MYO3B: variants seen among roughly 807,000 people sequenced by gnomAD.
MYO3B encodes myosin-IIIb.
In MYO3B, 156 loss-of-function variants were observed where a neutral mutation model predicts 174.6. That is an observed-to-expected ratio of 0.89 (90% CI 0.78 to 1.02). The LOEUF is 1.02. Among genes scored for constraint, MYO3B ranks in the 50% least tolerant of loss-of-function variants. MYO3B has a pLI of 0.00. For synonymous variants in MYO3B, 563 were observed against 569.1 expected (o/e 0.99, Z 0.15); for missense variants, 1,632 against 1,639.4 (o/e 1.00, Z 0.08).
At chr2:170,468,171 A>G (rs1321369519) in intron 25 of MYO3B, among the ~76,000 whole-genome samples, 1 of 152,208 alleles carries the variant, frequency 6.6e-6, no homozygotes, top group Non-Finnish European at 1.5e-5. Context: ...CTTTTGAACC[A>G]CTTAACAAAA....
At chr2:170,332,967 A>G (rs1461723994) in intron 7 of MYO3B, among the ~76,000 whole-genome samples, 1 of 152,172 alleles carries the variant, frequency 6.6e-6, no homozygotes, top group African/African-American at 2.4e-5. Context: ...TGTTGAGCCT[A>G]CTAGTGTCAT....
chr2:170,404,349 C>A lies in MYO3B; in HGVS notation c.2380C>A (p.Leu794Ile). The A allele has an allele frequency of 1.2e-6, 2 of 1,613,878 alleles. No homozygotes were observed. The highest frequency in any genetic ancestry group is 2.2e-5 in the South Asian group (2 of 91,000). Residue 794 changes from leucine to isoleucine, a missense_variant, in exon 20 of 35, where the codon CTT becomes ATT. Physicochemically the swap from Leu to Ile is conservative, Grantham distance 5. Transcript: ENST00000408978. ...FLQKPLGLLA[L>I]LDEESRFPQA... ...CCAGAAACCCCTGGGACTGCTTGCACTTTTGGATGAGGAAAGTCGGTTTCC... is the reference window on the plus strand; with the variant it reads ...CCAGAAACCCCTGGGACTGCTTGCAATTTTGGATGAGGAAAGTCGGTTTCC...
At chr2:170,427,149 T>C (rs1193643360) in intron 22 of MYO3B, among the ~76,000 whole-genome samples, 2 of 152,224 alleles carry the variant, frequency 1.3e-5, no homozygotes, top group African/African-American at 2.4e-5. Flanking sequence ...TTTAAAGGAC[T>C]CAGACACAAT....
chr2:170,568,958 G>T (rs900722313), intron 32 of MYO3B, among the ~76,000 whole-genome samples: 1 of 152,170 alleles, frequency 6.6e-6, no homozygotes, highest in Non-Finnish European at 1.5e-5. Flanking sequence ...TGTCCTATTA[G>T]ATAAGTTTCT....
At chr2:170,458,840 C>G (rs1416209839) in intron 23 of MYO3B, among the ~76,000 whole-genome samples, 3 of 152,260 alleles carry the variant, frequency 2.0e-5, no homozygotes, top group Admixed American at 6.5e-5. Flanking sequence ...ACAAGAGATC[C>G]CTCACCAACC....
At position 170,236,052 on chromosome 2, in the gene MYO3B, T is replaced by C. The variant is rs1457795754; in HGVS notation, c.665T>C (p.Leu222Ser). 2 of 1,613,968 alleles carry C rather than the reference T, an allele frequency of 1.2e-6. No homozygotes were observed. The highest frequency in any genetic ancestry group is 1.7e-6 in the Non-Finnish European group (2 of 1,179,986). Reference protein sequence around the residue: ...SYDARCDVWSLGITAIELGDG... With the variant: ...SYDARCDVWSSGITAIELGDG... ...GACGCTCGCTGTGACGTCTGGTCCT[T>C]GGGGATCACAGCTATTGAACTGGGG... is the stretch of plus-strand genomic sequence containing the variant. The change falls in exon 7 of 35, where the codon TTG becomes TCG. Residue 222 changes from leucine to serine, a missense_variant. Leu to Ser is a moderately radical substitution (Grantham distance 145, BLOSUM62 -2). Coordinates refer to ENST00000408978, the MANE Select transcript of MYO3B (RefSeq NM_138995.5).
chr2:170,199,314 A>G lies in MYO3B; in HGVS notation c.109A>G (p.Thr37Ala), dbSNP rs1002953550. The change falls in exon 2 of 35, where the codon ACC becomes GCC. Residue 37 changes from threonine (T) to alanine (A), a missense_variant. Coordinates refer to ENST00000408978, the MANE Select transcript of MYO3B (RefSeq NM_138995.5). Reference sequence around the variant, plus strand: ...AATTATAGAGACCATTGGTAAAGGCACCTATGGCAAAGTCTACAAGGTAAC... The same window carrying G: ...AATTATAGAGACCATTGGTAAAGGCGCCTATGGCAAAGTCTACAAGGTAAC... ...WEIIETIGKGTYGKVYKVTNK... is the reference protein window; with the variant it reads ...WEIIETIGKGAYGKVYKVTNK... 1.2e-6 allele frequency: 2 copies of G among 1,613,452 alleles called. No individual in the cohort carries two copies. Among genetic ancestry groups the G allele is most frequent in the African/African-American group, 2.7e-5 (2 of 74,890 alleles).
intron 28 of MYO3B, 150 bp downstream of exon 28, chr2:170,502,015 C>T (rs1397451907): frequency 3.3e-6 from 2 of 599,608 alleles, no homozygotes; most frequent in Non-Finnish European, 5.9e-6. Flanking sequence ...TCTGACCCTC[C>T]TTGTGTGATA....
chr2:170,273,378 C>T (rs895650721), intron 7 of MYO3B, among the ~76,000 whole-genome samples: 2 of 151,826 alleles, frequency 1.3e-5, no homozygotes, highest in Non-Finnish European at 2.9e-5. Flanking sequence ...GTCTAGAATC[C>T]TCCTCTTGCC....
intron 25 of MYO3B, among the ~76,000 whole-genome samples, chr2:170,493,370 A>G (rs1255035055): frequency 1.3e-5 from 2 of 152,120 alleles, no homozygotes; most frequent in African/African-American, 2.4e-5. Flanking sequence ...ATTAAACTTC[A>G]TTAGCTGGAG....
At chr2:170,577,875 A>G (rs1186359905) in intron 32 of MYO3B, among the ~76,000 whole-genome samples, 6 of 152,118 alleles carry the variant, frequency 3.9e-5, no homozygotes, top group Non-Finnish European at 7.4e-5. Context: ...TTTTCCTTAA[A>G]CCTCAAGCAT....
intron 25 of MYO3B, among the ~76,000 whole-genome samples, chr2:170,475,432 G>A (rs958904028): frequency 1.6e-4 from 25 of 152,048 alleles, no homozygotes; most frequent in African/African-American, 5.8e-4. Context: ...TTAATTTTTT[G>A]TAGGGACAAT....
intron 23 of MYO3B, among the ~76,000 whole-genome samples, chr2:170,458,851 G>A (rs17580128): frequency 0.038 from 5,822 of 152,240 alleles, 224 homozygotes; most frequent in East Asian, 0.2. Flanking sequence ...CTCACCAACC[G>A]AAGACCTTTT....
intron 8 of MYO3B, among the ~76,000 whole-genome samples, chr2:170,347,694 T>C (rs1337151277): frequency 6.6e-6 from 1 of 152,240 alleles, no homozygotes; most frequent in African/African-American, 2.4e-5. Flanking sequence ...CATATTTCAA[T>C]GTCTGCTCTG....
chr2:170,606,592 T>C (rs928294338), intron 32 of MYO3B, among the ~76,000 whole-genome samples: 6 of 152,262 alleles, frequency 3.9e-5, no homozygotes, highest in African/African-American at 1.2e-4. Flanking sequence ...GGGTCATGTC[T>C]GTCTTGCCCA....
intron 32 of MYO3B, among the ~76,000 whole-genome samples, chr2:170,563,680 G>A (rs1438247926): frequency 6.6e-6 from 1 of 152,182 alleles, no homozygotes; most frequent in African/African-American, 2.4e-5. Flanking sequence ...CAGAAGTCCA[G>A]GGGTAGGCAA....
intron 22 of MYO3B, among the ~76,000 whole-genome samples, chr2:170,414,969 G>T (rs1186730877): frequency 6.6e-6 from 1 of 152,130 alleles, no homozygotes; most frequent in Non-Finnish European, 1.5e-5. Context: ...TCTTGTTTTT[G>T]TTTTTGTAGA....
intron 32 of MYO3B, among the ~76,000 whole-genome samples, chr2:170,623,208 A>G (rs1265635311): frequency 6.6e-6 from 1 of 152,152 alleles, no homozygotes; most frequent in African/African-American, 2.4e-5. Flanking sequence ...AACTGTTCCT[A>G]TTTCTCCACA....
chr2:170,458,272 C>T (rs1684027235), intron 23 of MYO3B, among the ~76,000 whole-genome samples: 1 of 152,244 alleles, frequency 6.6e-6, no homozygotes, highest in East Asian at 1.9e-4. Flanking sequence ...TTTTTCAGCT[C>T]CATTATAATC....
Sources: allele counts gnomAD v4.1 joint callset (sites outside exome capture counted in the v4.1 genomes callset), GRCh38; gene constraint gnomAD v4.1.1; transcripts MANE v1.5; gene names NCBI Gene and HGNC (gene_info 2026-07-23, HGNC 2026-07-21).